Variants in AP2B1 observed in about 807,000 individuals in gnomAD.
AP2B1 encodes the protein adaptor related protein complex 2 subunit beta 1.
In AP2B1, 23 loss-of-function variants were observed where a neutral mutation model predicts 102.0. The ratio of observed to expected loss-of-function variants is 0.23; its 90% CI spans 0.16 to 0.32. The LOEUF is 0.32. Among genes scored for constraint, AP2B1 ranks in the 10% least tolerant of loss-of-function variants. The pLI, the probability that AP2B1 is intolerant of heterozygous loss-of-function variation, is 1.00. For synonymous variants in AP2B1, 381 were observed against 421.2 expected, an observed-to-expected ratio of 0.90 and a Z score of 1.17; for missense variants, 541 against 1,157.4, an observed-to-expected ratio of 0.47 and a Z score of 7.73.
At chr17:35,640,431 T>C (rs1409009000) in intron 11 of AP2B1, among the ~76,000 whole-genome samples, 1 of 151,486 alleles carries the variant, frequency 6.6e-6, no homozygotes, top group Admixed American at 6.6e-5. Context: ...AGAGACAGGG[T>C]TTCACCATGT....
chr17:35,676,875 G>C (rs1175775049), intron 17 of AP2B1, among the ~76,000 whole-genome samples: 2 of 152,012 alleles, frequency 1.3e-5, no homozygotes, highest in Non-Finnish European at 2.9e-5. Context: ...TTATTATGGA[G>C]TTGTTAAAGT....
intron 5 of AP2B1, among the ~76,000 whole-genome samples, chr17:35,619,492 C>A (rs76641536): frequency 3.0e-4 from 42 of 141,986 alleles, no homozygotes; most frequent in African/African-American, 9.8e-4. Flanking sequence ...AAAAAAAAAA[C>A]AAAAACAACC....
At chr17:35,708,216 C>T (rs1173004730) in intron 18 of AP2B1, among the ~76,000 whole-genome samples, 3 of 152,254 alleles carry the variant, frequency 2.0e-5, no homozygotes, top group South Asian at 2.1e-4. Flanking sequence ...AGTTACTGAT[C>T]ATAGAACTTG....
intron 20 of AP2B1, among the ~76,000 whole-genome samples, chr17:35,714,092 A>G (rs1055693272): frequency 1.3e-5 from 2 of 152,216 alleles, no homozygotes; most frequent in South Asian, 2.1e-4. Context: ...TGTTTATAAT[A>G]TTAAGAAAAG....
rs761081554 is a variant in AP2B1 at position 35,725,367 on chromosome 17, C to G, written c.*1668C>G. On this transcript the variant is annotated 3_prime_UTR_variant, in exon 22 of 22. Transcript: ENST00000610402. ...CAGGCTCCACAGGCGTCATGTTGGA[C>G]TGAGACCTAACTCACTGGACTCAGA... The G allele has an allele frequency of 2.0e-5, 3 of 152,198 alleles. No individual in the cohort carries two copies. The highest frequency in any genetic ancestry group is 4.4e-5 in the Non-Finnish European group (3 of 68,064). The allele number at this position is 152,198 out of a possible 1,614,324, so 9.4% of individuals were successfully genotyped here.
intron 9 of AP2B1, among the ~76,000 whole-genome samples, chr17:35,632,198 A>G (rs569197214): frequency 1.7e-4 from 26 of 152,004 alleles, no homozygotes; most frequent in African/African-American, 6.3e-4. Context: ...CAAATGGCGC[A>G]ATCTCAGCTC....
chr17:35,663,803 A>G (rs180977650), intron 14 of AP2B1, among the ~76,000 whole-genome samples: 2 of 152,200 alleles, frequency 1.3e-5, no homozygotes, highest in South Asian at 2.1e-4. Context: ...CCCTGAGTAT[A>G]TGAGTTTGGG....
intron 17 of AP2B1, among the ~76,000 whole-genome samples, chr17:35,674,704 C>T (rs898843579): frequency 3.9e-5 from 6 of 152,152 alleles, no homozygotes; most frequent in African/African-American, 1.4e-4. Flanking sequence ...AACTCCATCT[C>T]AAAAAGAAAA....
At chr17:35,671,575 G>GA (rs1183620683) in intron 15 of AP2B1, among the ~76,000 whole-genome samples, 179 bp from the exon 16 acceptor site, 2 of 152,050 alleles carry the variant, frequency 1.3e-5, no homozygotes, top group East Asian at 1.9e-4. Flanking sequence ...TATCAATGAC[G>GA]AAAAAATAAC....
intron 5 of AP2B1, among the ~76,000 whole-genome samples, chr17:35,622,615 A>G (rs752273191): frequency 3.9e-5 from 6 of 152,200 alleles, no homozygotes; most frequent in African/African-American, 7.2e-5. Flanking sequence ...TCCAATATAT[A>G]TAATTGCTGA....
intron 18 of AP2B1, among the ~76,000 whole-genome samples, chr17:35,708,797 T>TA (rs1488619849): frequency 6.6e-6 from 1 of 152,224 alleles, no homozygotes; most frequent in Non-Finnish European, 1.5e-5. Flanking sequence ...GGATGTTACT[T>TA]AGTCTTTCTA....
At chr17:35,670,223 T>C (rs1191779775) in intron 14 of AP2B1, among the ~76,000 whole-genome samples, 1 of 152,230 alleles carries the variant, frequency 6.6e-6, no homozygotes, top group East Asian at 1.9e-4. Context: ...TTTGAAGCAC[T>C]GCATGCTTCC....
At chr17:35,659,644 T>A (rs547177228) in intron 14 of AP2B1, 4 of 237,856 alleles carry the variant, frequency 1.7e-5, no homozygotes, top group East Asian at 3.6e-4. Flanking sequence ...GTTGTTGTTT[T>A]TCTAATTGGA....
intron 13 of AP2B1, among the ~76,000 whole-genome samples, chr17:35,653,617 A>T (rs1246295673): frequency 2.0e-5 from 3 of 151,906 alleles, no homozygotes; most frequent in Non-Finnish European, 4.4e-5. Flanking sequence ...GGGACTACAG[A>T]TGTGTGCCAC....
chr17:35,676,687 C>G (rs1295048986), intron 17 of AP2B1, among the ~76,000 whole-genome samples: 1 of 152,216 alleles, frequency 6.6e-6, no homozygotes, highest in Non-Finnish European at 1.5e-5. Flanking sequence ...CACATCCTCA[C>G]CAATTTTAGC....
intron 3 of AP2B1, among the ~76,000 whole-genome samples, chr17:35,601,778 CT>C (rs202210134): frequency 0.019 from 2,689 of 139,936 alleles, 40 homozygotes; most frequent in African/African-American, 0.05. Flanking sequence ...TGTCATAACT[CT>C]TTTTTTTTTT....
chr17:35,596,677 C>G (rs1403561011), intron 2 of AP2B1, among the ~76,000 whole-genome samples: 1 of 152,166 alleles, frequency 6.6e-6, no homozygotes, highest in Non-Finnish European at 1.5e-5. Context: ...CCGTCGCCCT[C>G]GAGCACCAGC....
intron 5 of AP2B1, 71 bp downstream of exon 5, chr17:35,608,458 G>C: frequency 6.4e-7 from 1 of 1,564,036 alleles, no homozygotes; most frequent in Non-Finnish European, 8.7e-7. Context: ...TGTTTAATAT[G>C]AACCTTGTCT....
intron 18 of AP2B1, among the ~76,000 whole-genome samples, chr17:35,701,592 G>A (rs904162535): frequency 2.6e-5 from 4 of 152,104 alleles, no homozygotes; most frequent in Non-Finnish European, 5.9e-5. Context: ...GAGAAGTACT[G>A]TGCTTTTGGG....
Sources: allele counts gnomAD v4.1 joint callset (sites outside exome capture counted in the v4.1 genomes callset), GRCh38; gene constraint gnomAD v4.1.1; transcripts MANE v1.5; gene names NCBI Gene and HGNC (gene_info 2026-07-23, HGNC 2026-07-21).